GOLGA8J: variants seen among roughly 807,000 people sequenced by gnomAD.
The protein encoded by GOLGA8J is golgin A8 family member J.
Under a neutral mutation model 67.7 loss-of-function variants are expected in GOLGA8J, and 19 were observed. The observed-to-expected ratio is 0.28, with a 90% CI of 0.20 to 0.41. The LOEUF (loss-of-function observed/expected upper bound fraction) is 0.41. Among genes scored for constraint, GOLGA8J ranks in the 10% least tolerant of loss-of-function variants. The pLI, the probability that GOLGA8J is intolerant of heterozygous loss-of-function variation, is 1.00. For missense variants in GOLGA8J, 205 were observed against 584.3 expected (o/e 0.35, Z 6.69); for synonymous variants, 69 against 215.9 (o/e 0.32, Z 5.97).
chr15:30,092,001 T>G (rs1168321216), intron 14 of GOLGA8J, 41 bp from the exon 15 acceptor site: 1 of 1,594,024 alleles, frequency 6.3e-7, no homozygotes, highest in Admixed American at 1.7e-5. Flanking sequence ...AGTACCTCCC[T>G]TGTTGGGTTG....
rs1292854326 is a variant in GOLGA8J, at chr15:30,092,935, A to G, written c.1514A>G (p.Asp505Gly). 3 of 1,483,026 alleles carry G rather than the reference A, an allele frequency of 2.0e-6. 1 individual carries two copies. Among genetic ancestry groups the G allele is most frequent in the Non-Finnish European group, 2.7e-6 (3 of 1,112,938 alleles). The allele number at this position is 1,483,026 out of a possible 1,614,324, so 91.9% of individuals were successfully genotyped here. Residue 505 changes from aspartate to glycine, a missense_variant, in exon 17 of 19, where the codon GAT becomes GGT. Physicochemically the swap from Asp to Gly is moderately conservative, Grantham distance 94 (BLOSUM62 -1). Transcript: ENST00000567927. Reference protein sequence around the residue: ...LLSEPGGRAKDAALGGGHHQA... With the variant: ...LLSEPGGRAKGAALGGGHHQA... Reference sequence around the variant, plus strand: ...TCAGAACCAGGGGGCCGTGCCAAAGATGCGGCACTGGGAGGAGGACACCAT... The same window carrying G: ...TCAGAACCAGGGGGCCGTGCCAAAGGTGCGGCACTGGGAGGAGGACACCAT...
chr15:30,088,942 T>A lies in GOLGA8J; in HGVS notation c.688T>A (p.Ser230Thr), dbSNP rs764223141. 21 of 1,518,110 alleles carry A rather than the reference T, an allele frequency of 1.4e-5. 2 individuals carry two copies. The highest frequency in any genetic ancestry group is 1.8e-5 in the Non-Finnish European group (21 of 1,141,404). 94.0% of individuals were successfully genotyped at this position (1,518,110 alleles called of 1,614,324 possible). A position where few individuals can be genotyped will look rare whatever the true frequency, so the allele number is the denominator to read the frequency against. The change falls in exon 10 of 19, where the codon TCA (serine) becomes ACA (threonine). Residue 230 changes from serine to threonine, a missense_variant. Coordinates refer to ENST00000567927, the MANE Select transcript of GOLGA8J (RefSeq NM_001282472.2). ...GTGCCCATTCTTGCAGTTCAAGGAG[T>A]CATTTCAACAAGTCCAATTAGAAAG... ...LKVQLTQFKE[S>T]FQQVQLERDE...
In GOLGA8J at chr15:30,095,394, T is replaced by C. The variant is rs1179402666; in HGVS notation, c.*1895T>C. Among the ~76,000 whole-genome samples the C allele has an allele frequency of 1.4e-5, 2 of 143,802 alleles. No individual in the cohort carries two copies. The highest frequency in any genetic ancestry group is 3.0e-5 in the Non-Finnish European group (2 of 66,572). 94.3% of individuals were successfully genotyped at this position (143,802 alleles called of 152,430 possible). A position where few individuals can be genotyped will look rare whatever the true frequency, so the allele number is the denominator to read the frequency against. ...TTCGGTCCTTGTGACTTCCACTGACTCTTCCAAATTTTATGAATGTATCAA... is the reference window on the plus strand; with the variant it reads ...TTCGGTCCTTGTGACTTCCACTGACCCTTCCAAATTTTATGAATGTATCAA... On this transcript the variant is annotated 3_prime_UTR_variant, in exon 19 of 19. Transcript: ENST00000567927.
intron 14 of GOLGA8J, 22 bp from the exon 15 acceptor site, chr15:30,092,020 C>G: frequency 6.3e-7 from 1 of 1,597,742 alleles, no homozygotes. Context: ...TGTCTGAAGA[C>G]CCGTCTGACC....
In GOLGA8J at chr15:30,094,730, TC is replaced by T. The variant is rs1164435628; in HGVS notation, c.*1232del. On this transcript the variant is annotated 3_prime_UTR_variant, in exon 19 of 19. Coordinates refer to ENST00000567927, the MANE Select transcript of GOLGA8J (RefSeq NM_001282472.2). Reference sequence around the variant, plus strand: ...TCTGACATAGGAATTTACTTCTTTTTCTTTGAATGGAAAACACTTTAAAAAA... The same window carrying T: ...TCTGACATAGGAATTTACTTCTTTTTTTTGAATGGAAAACACTTTAAAAAA... 8.1e-6 allele frequency among the ~76,000 whole-genome samples: 1 copy of T among 124,118 alleles called. No homozygotes were observed. Among genetic ancestry groups the T allele is most frequent in the Non-Finnish European group, 1.5e-5 (1 of 66,008 alleles). The allele number at this position is 124,118 out of a possible 152,430, so 81.4% of individuals were successfully genotyped here.
chr15:30,087,949 G>C (rs1382830137), intron 8 of GOLGA8J: 2 of 620,946 alleles, frequency 3.2e-6, no homozygotes, highest in African/African-American at 3.7e-5. Flanking sequence ...GTGGTCTTGG[G>C]CAAGTCCTAG....
In GOLGA8J at chr15:30,095,791, T is replaced by TG. The variant is rs561571839; in HGVS notation, c.*2293dup. ...CCTGATAAATATCAGTGACTAGGAATGACCTTCGGATAGCGTTTAGCATCT... is the reference window on the plus strand; with the variant it reads ...CCTGATAAATATCAGTGACTAGGAATGGACCTTCGGATAGCGTTTAGCATCT... On this transcript the variant is annotated 3_prime_UTR_variant, in exon 19 of 19. Transcript: ENST00000567927. 3.9e-3 allele frequency among the ~76,000 whole-genome samples: 316 copies of TG among 81,240 alleles called. 13 individuals carry two copies. The highest frequency in any genetic ancestry group is 0.026 in the Admixed American group (216 of 8,236). The allele number at this position is 81,240 out of a possible 152,430, so 53.3% of individuals were successfully genotyped here.
chr15:30,090,686 C>CAAA (rs71270989), intron 13 of GOLGA8J, among the ~76,000 whole-genome samples: 1,194 of 59,298 alleles, frequency 0.02, 28 homozygotes, highest in Middle Eastern at 0.068. Context: ...ACTAAAATTA[C>CAAA]AAAAAAAAAA....
intron 13 of GOLGA8J, among the ~76,000 whole-genome samples, chr15:30,091,252 GACCATT>G (rs2140573845): frequency 1.8e-5 from 2 of 110,280 alleles, no homozygotes; most frequent in South Asian, 7.3e-4. Flanking sequence ...GCAGCAGCCA[GACCATT>G]ACCTGGGTCA....
At position 30,092,065 on chromosome 15, in the gene GOLGA8J, A is replaced by G. The variant is rs577390863; in HGVS notation, c.1300A>G (p.Ser434Gly). The change falls in exon 15 of 19, where the codon AGT becomes GGT. Residue 434 changes from serine (S) to glycine (G), a missense_variant. By Grantham distance (56) the Ser-to-Gly change is moderately conservative. Coordinates refer to ENST00000567927, the MANE Select transcript of GOLGA8J (RefSeq NM_001282472.2). ...AGGACACGGAGGAGAACATCTGGAC[A>G]GTGAGGGGGAGGAGGCACCTCGGCC... is the stretch of plus-strand genomic sequence containing the variant. ...GEGHGGEHLD[S>G]EGEEAPRPMP... The G allele has an allele frequency of 1.3e-6, 2 of 1,597,474 alleles. No individual in the cohort carries two copies. Among genetic ancestry groups the G allele is most frequent in the African/African-American group, 1.4e-5 (1 of 71,644 alleles).
In GOLGA8J at chr15:30,095,072, A is replaced by G. The variant is rs1480557768; in HGVS notation, c.*1573A>G. Among the ~76,000 whole-genome samples, 4 of 147,726 alleles carry G rather than the reference A, an allele frequency of 2.7e-5. No homozygotes were observed. The highest frequency in any genetic ancestry group is 5.2e-5 in the African/African-American group (2 of 38,358). On this transcript the variant is annotated 3_prime_UTR_variant, in exon 19 of 19. Coordinates refer to ENST00000567927, the MANE Select transcript of GOLGA8J (RefSeq NM_001282472.2). ...TTGTGCCTATGCATGATGAATGAATACATTTCAGTTATATATTGCCTAAAT... is the reference window on the plus strand; with the variant it reads ...TTGTGCCTATGCATGATGAATGAATGCATTTCAGTTATATATTGCCTAAAT...
rs1209384985 is a variant in GOLGA8J at position 30,092,029 on chromosome 15, C to A, written c.1277-13C>A. On this transcript the variant is annotated splice_polypyrimidine_tract_variant and intron_variant, in intron 14 of 18. Coordinates refer to ENST00000567927, the MANE Select transcript of GOLGA8J (RefSeq NM_001282472.2). ...TTGGGTTGTCTGAAGACCCGTCTGA[C>A]CACCCCCCACAGGACACGGAGGAGA... 7 of 1,598,316 alleles carry A rather than the reference C, an allele frequency of 4.4e-6. No individual in the cohort carries two copies. The highest frequency in any genetic ancestry group is 6.0e-6 in the Non-Finnish European group (7 of 1,173,986).
At chr15:30,088,061 G>A (rs1310613075) in intron 8 of GOLGA8J, 3 of 489,520 alleles carry the variant, frequency 6.1e-6, no homozygotes, top group South Asian at 3.3e-5. Context: ...GCGTGTGTGT[G>A]TGTGTGTGTG....
In GOLGA8J at chr15:30,089,050, G is replaced by C. The variant is rs200520629; in HGVS notation, c.786+10G>C. 6.1e-3 allele frequency: 6,252 copies of C among 1,027,366 alleles called. 190 individuals carry two copies. The highest frequency in any genetic ancestry group is 0.045 in the African/African-American group (981 of 21,700). 63.6% of individuals were successfully genotyped at this position (1,027,366 alleles called of 1,614,324 possible). A position where few individuals can be genotyped will look rare whatever the true frequency, so the allele number is the denominator to read the frequency against. ...AAAAATGTCGCAGGAGGTGAGATCT[G>C]ACCCTTCAGCCCCCCCACATTAGAT... On this transcript the variant is annotated intron_variant, in intron 10 of 18. Transcript: ENST00000567927.
At chr15:30,085,321 T>G (rs1305088447) in intron 2 of GOLGA8J, among the ~76,000 whole-genome samples, 1 of 94,592 alleles carries the variant, frequency 1.1e-5, no homozygotes, top group Non-Finnish European at 1.8e-5. Context: ...GAATCCTGCC[T>G]CTCCATCTGC....
chr15:30,092,084 C>A lies in GOLGA8J; in HGVS notation c.1319C>A (p.Pro440His). ...EHLDSEGEEA[P>H]RPMPSVPEDP... Reference sequence around the variant, plus strand: ...CTGGACAGTGAGGGGGAGGAGGCACCTCGGCCCATGCCGAGTGTCCCAGAG... The same window carrying A: ...CTGGACAGTGAGGGGGAGGAGGCACATCGGCCCATGCCGAGTGTCCCAGAG... Residue 440 changes from proline (P) to histidine (H), a missense_variant, in exon 15 of 19, where the codon CCT (proline) becomes CAT (histidine). Coordinates refer to ENST00000567927, the MANE Select transcript of GOLGA8J (RefSeq NM_001282472.2). The A allele has an allele frequency of 6.3e-7, 1 of 1,593,270 alleles. No individual in the cohort carries two copies. The highest frequency in any genetic ancestry group is 8.5e-7 in the Non-Finnish European group (1 of 1,172,546).
rs1423216934 is a variant in GOLGA8J, at chr15:30,096,635, T to G, written c.*3136T>G. 6.3e-3 allele frequency among the ~76,000 whole-genome samples: 875 copies of G among 138,278 alleles called. No homozygotes were observed. The highest frequency in any genetic ancestry group is 0.018 in the African/African-American group (591 of 33,760). The allele number at this position is 138,278 out of a possible 152,430, so 90.7% of individuals were successfully genotyped here. ...TGAAAGATTTTTCCCTAGAGTGGCCTTATTGACTGCTGGTGTGATGCCACT... is the reference window on the plus strand; with the variant it reads ...TGAAAGATTTTTCCCTAGAGTGGCCGTATTGACTGCTGGTGTGATGCCACT... On this transcript the variant is annotated 3_prime_UTR_variant, in exon 19 of 19. Transcript: ENST00000567927.
In GOLGA8J at chr15:30,096,188, G is replaced by GGAA. The variant is rs1413850595; in HGVS notation, c.*2693_*2695dup. On this transcript the variant is annotated 3_prime_UTR_variant, in exon 19 of 19. Coordinates refer to ENST00000567927, the MANE Select transcript of GOLGA8J (RefSeq NM_001282472.2). ...CACTGAATACATTTTAATGTCTGTA[G>GGAA]GAAGAATCAAAACACCTATTTAAAG... 1.2e-4 allele frequency among the ~76,000 whole-genome samples: 18 copies of GGAA among 147,992 alleles called. No homozygotes were observed. Among genetic ancestry groups the GGAA allele is most frequent in the African/African-American group, 4.3e-4 (17 of 39,218 alleles).
intron 2 of GOLGA8J, 76 bp downstream of exon 2, chr15:30,084,966 T>G: frequency 1.4e-6 from 2 of 1,463,588 alleles, no homozygotes; most frequent in East Asian, 4.8e-5. Context: ...AGATTGTGGA[T>G]GGACTGCTGG....
Sources: allele counts gnomAD v4.1 joint callset (sites outside exome capture counted in the v4.1 genomes callset), GRCh38; gene constraint gnomAD v4.1.1; transcripts MANE v1.5; gene names NCBI Gene and HGNC (gene_info 2026-07-23, HGNC 2026-07-21).